Variants in EFTUD2 observed in about 807,000 individuals in gnomAD.
EFTUD2 encodes elongation factor Tu GTP binding domain containing 2.
In EFTUD2, 9 loss-of-function variants were observed where a neutral mutation model predicts 114.3. The ratio of observed to expected loss-of-function variants is 0.08; its 90% CI spans 0.05 to 0.14. The LOEUF (loss-of-function observed/expected upper bound fraction) is 0.14. Ranked by LOEUF, EFTUD2 falls within the 10% of genes least tolerant of loss-of-function variation. The pLI is 1.00. For missense variants in EFTUD2, 765 were observed against 1,241.2 expected, an observed-to-expected ratio of 0.62 and a Z score of 5.76; for synonymous variants, 449 against 462.3, an observed-to-expected ratio of 0.97 and a Z score of 0.37.
chr17:44,890,210 G>C (rs2051254419), intron 2 of EFTUD2, among the ~76,000 whole-genome samples: 1 of 151,440 alleles, frequency 6.6e-6, no homozygotes, highest in Non-Finnish European at 1.5e-5. Flanking sequence ...AATAGAGACA[G>C]GGTTTCATCA....
rs1040835085 is a variant in EFTUD2, at chr17:44,857,604, GTGTTTTCTA to G, written c.1963-456_1963-448del. The G allele has an allele frequency of 3.9e-5, 8 of 202,926 alleles. No individual in the cohort carries two copies. The Admixed American group carries it at 4.2e-4, about 11-fold the overall frequency. The allele number at this position is 202,926 out of a possible 1,614,324, so 12.6% of individuals were successfully genotyped here. On this transcript the variant is annotated intron_variant, in intron 19 of 27. Coordinates refer to ENST00000426333, the MANE Select transcript of EFTUD2 (RefSeq NM_004247.4). The stretch of plus-strand genomic sequence containing the variant: ...CATGGTCTGCTGCCCAGGAAACCCA[GTGTTTTCTA>G]TGACACCAATCCTTCCTCCTTCCTA...
intron 13 of EFTUD2, among the ~76,000 whole-genome samples, chr17:44,866,536 G>A (rs542722771): frequency 4.7e-4 from 72 of 152,142 alleles, no homozygotes; most frequent in African/African-American, 1.6e-3. Flanking sequence ...GAGCCACCAC[G>A]CCTGGCTAAT....
rs2050438156 is a variant in EFTUD2 at position 44,851,021 on chromosome 17, T to C, written c.*253A>G. 2.1e-6 allele frequency: 1 copy of C among 474,576 alleles called. No individual in the cohort carries two copies. The allele number at this position is 474,576 out of a possible 1,614,324, so 29.4% of individuals were successfully genotyped here. A position where few individuals can be genotyped will look rare whatever the true frequency, so the allele number is the denominator to read the frequency against. ...GGCCCCTTGGGGTTTCATCCCCTTCTCTTTCTGTGAGCCCAAGCTCCTCTC... is the reference window on the plus strand; with the variant it reads ...GGCCCCTTGGGGTTTCATCCCCTTCCCTTTCTGTGAGCCCAAGCTCCTCTC... On this transcript the variant is annotated 3_prime_UTR_variant, in exon 28 of 28. Transcript: ENST00000426333.
Position 44,850,042 on chromosome 17 carries a change from G to C in EFTUD2, c.*1232C>G. 1 of 316,796 alleles carries C rather than the reference G, an allele frequency of 3.2e-6. No homozygotes were observed. Among genetic ancestry groups the C allele is most frequent in the Non-Finnish European group, 6.0e-6 (1 of 166,698 alleles). The allele number at this position is 316,796 out of a possible 1,614,324, so 19.6% of individuals were successfully genotyped here. ...CTTTCTCACTGAGCCTCAGTTTCCT[G>C]ATGTGTAACATGACAATAACCACCC... On this transcript the variant is annotated 3_prime_UTR_variant, in exon 28 of 28. Coordinates refer to ENST00000426333, the MANE Select transcript of EFTUD2 (RefSeq NM_004247.4).
rs8065890 is a variant in EFTUD2, at chr17:44,854,395, G to C, written c.2260-39C>G. The C allele has an allele frequency of 6.4e-4, 1,023 of 1,602,590 alleles. 6 individuals are homozygous for C. The African/African-American group carries it at 0.013, about 20-fold the overall frequency. On this transcript the variant is annotated intron_variant, in intron 22 of 27. Transcript: ENST00000426333. The surrounding 1 kb of genome is among the most constrained non-coding windows in gnomAD (Gnocchi z 4.3). ...TGAGGCCTCCTTAGCAGTCGCCCTG[G>C]CAACGGCTGAAGCATTTAGAGGGAG... is the stretch of plus-strand genomic sequence containing the variant.
chr17:44,861,329 T>C (rs987203049), intron 16 of EFTUD2, among the ~76,000 whole-genome samples: 1 of 149,972 alleles, frequency 6.7e-6, no homozygotes, highest in Admixed American at 6.7e-5. Context: ...CCTATAACCC[T>C]GGCTACTTGG....
intron 16 of EFTUD2, among the ~76,000 whole-genome samples, chr17:44,861,886 G>GA (rs1251786192): frequency 6.6e-6 from 1 of 152,200 alleles, no homozygotes; most frequent in African/African-American, 2.4e-5. Context: ...TGTCAACTGG[G>GA]AAACCAAATT....
chr17:44,858,995 C>T (rs2050607374), intron 19 of EFTUD2, 85 bp downstream of exon 19: 1 of 920,414 alleles, frequency 1.1e-6, no homozygotes, highest in Non-Finnish European at 1.8e-6. Context: ...TCTCTCTTCC[C>T]TTGGAGCTTC....
chr17:44,853,252 C>T, intron 25 of EFTUD2, 44 bp downstream of exon 25: 1 of 1,599,124 alleles, frequency 6.3e-7, no homozygotes. Flanking sequence ...TCTTGTTCTG[C>T]TCTTGCTCTC....
At chr17:44,863,880 C>G (rs148793025) in intron 14 of EFTUD2, 98 bp from the exon 15 acceptor site, 2 of 1,494,436 alleles carry the variant, frequency 1.3e-6, no homozygotes. Context: ...GCTCAAAGTG[C>G]GGGGACTGAT....
intron 19 of EFTUD2, chr17:44,857,430 G>A: frequency 2.7e-6 from 1 of 371,996 alleles, no homozygotes; most frequent in Non-Finnish European, 5.2e-6. Flanking sequence ...AGTCTTCAAA[G>A]GTAGCTCTCA....
intron 15 of EFTUD2, 54 bp from the exon 16 acceptor site, chr17:44,862,960 C>CT: frequency 6.9e-7 from 1 of 1,450,228 alleles, no homozygotes; most frequent in Non-Finnish European, 9.5e-7. Context: ...CGGGGAAGTA[C>CT]TACTCCCCGC....
chr17:44,854,832 G>GA lies in EFTUD2; in HGVS notation c.2132+85dup. 6.4e-7 allele frequency: 1 copy of GA among 1,564,740 alleles called. No individual in the cohort carries two copies. ...AAGGCAAAGACATAAATGCTCCCCA[G>GA]AAAGATGTGTGCTCTTAGAGACCCG... On this transcript the variant is annotated intron_variant, in intron 21 of 27. Transcript: ENST00000426333. The surrounding 1 kb of genome is among the most constrained non-coding windows in gnomAD (Gnocchi z 4.3).
At chr17:44,857,252 C>A (rs906221763) in intron 19 of EFTUD2, 95 bp from the exon 20 acceptor site, 1 of 1,050,010 alleles carries the variant, frequency 9.5e-7, no homozygotes, top group South Asian at 1.3e-5. Flanking sequence ...CTTGACACTA[C>A]CTCTGTGAAA....
rs1279550847 is a variant in EFTUD2 at position 44,852,538 on chromosome 17, G to A, written c.2586C>T (p.Pro862=). 1 of 1,614,126 alleles carries A rather than the reference G, an allele frequency of 6.2e-7. No homozygotes were observed. Among genetic ancestry groups the A allele is most frequent in the South Asian group, 1.1e-5 (1 of 91,080 alleles). ...RRRGHVTQDA[P]IPGSPLYTIK... The stretch of plus-strand genomic sequence containing the variant: ...TGGTGTACAGAGGGGAGCCTGGGAT[G>A]GGTGCATCCTGAGTCACGTGCCCCC... Residue 862 remains proline (P), a synonymous_variant, in exon 26 of 28, where the codon CCC becomes CCT. Coordinates refer to ENST00000426333, the MANE Select transcript of EFTUD2 (RefSeq NM_004247.4).
intron 2 of EFTUD2, 43 bp from the exon 3 acceptor site, chr17:44,886,793 T>A (rs1349582418): frequency 6.3e-7 from 1 of 1,577,322 alleles, no homozygotes; most frequent in South Asian, 1.1e-5. Flanking sequence ...GGCACACGCT[T>A]TTCCTGTTTG....
rs761538887 is a variant in EFTUD2, at chr17:44,872,577, CAG to C, written c.870-9_870-8del. ...CTCATCAGTGGAATACATGCTGAAA[CAG>C]AGACAGTGGTGAACACAGTGCCAGG... On this transcript the variant is annotated splice_polypyrimidine_tract_variant and splice_region_variant and intron_variant, in intron 10 of 27. Coordinates refer to ENST00000426333, the MANE Select transcript of EFTUD2 (RefSeq NM_004247.4). 3.7e-6 allele frequency: 6 copies of C among 1,604,234 alleles called. No homozygotes were observed. The highest frequency in any genetic ancestry group is 1.1e-5 in the South Asian group (1 of 89,968).
At chr17:44,878,857 T>A (rs2051019138) in intron 9 of EFTUD2, among the ~76,000 whole-genome samples, 2 of 152,186 alleles carry the variant, frequency 1.3e-5, no homozygotes, top group South Asian at 2.1e-4. Context: ...CGAATAAGGT[T>A]AGCCAAAGTG....
chr17:44,851,456 G>T, intron 27 of EFTUD2, 87 bp from the exon 28 acceptor site: 1 of 1,112,530 alleles, frequency 9.0e-7, no homozygotes, highest in Non-Finnish European at 1.4e-6. Flanking sequence ...TCAGTGGGGA[G>T]GCTAGTGGTG....
Sources: allele counts gnomAD v4.1 joint callset (sites outside exome capture counted in the v4.1 genomes callset), GRCh38; gene constraint gnomAD v4.1.1; non-coding constraint Gnocchi (gnomAD v3.1); transcripts MANE v1.5; gene names NCBI Gene and HGNC (gene_info 2026-07-23, HGNC 2026-07-21).